The following ZNF705G variants were observed in gnomAD, a reference collection of about 807,000 sequenced individuals.
The protein encoded by ZNF705G is zinc finger protein 705G, also known as putative zinc finger protein 705G.
Under a neutral mutation model 19.6 loss-of-function variants are expected in ZNF705G, and 23 were observed. That is an observed-to-expected ratio of 1.17 (90% CI 0.84 to 1.66). The LOEUF is 1.66. ZNF705G is among the 40% of genes most tolerant of loss of function. The pLI, the probability that ZNF705G is intolerant of heterozygous loss-of-function variation, is 0.00. For missense variants in ZNF705G, 457 were observed against 354.4 expected (o/e 1.29, Z -2.32); for synonymous variants, 146 against 117.7 (o/e 1.24, Z -1.56).
Position 7,357,921 on chromosome 8 carries a change from C to A in ZNF705G, c.*55G>T, listed in dbSNP as rs1415511899. ...TTAAGATTAGTACATTGTCTGAAGG[C>A]TTTCCCACATAAATGGCATTCATAT... On this transcript the variant is annotated 3_prime_UTR_variant, in exon 7 of 7. Transcript: ENST00000400156. 16 of 1,603,446 alleles carry A rather than the reference C, an allele frequency of 1.0e-5. 3 individuals are homozygous for A. The African/African-American group carries it at 2.3e-4, about 23-fold the overall frequency.
rs1484483553 is a variant in ZNF705G at position 7,357,453 on chromosome 8, A to G, written c.*523T>C. 1.2e-5 allele frequency: 2 copies of G among 168,200 alleles called. No homozygotes were observed. Among genetic ancestry groups the G allele is most frequent in the African/African-American group, 5.1e-5 (2 of 39,340 alleles). 10.4% of individuals were successfully genotyped at this position (168,200 alleles called of 1,614,324 possible). ...GGGTTCATCCAAGTAAAGTTTTCTC[A>G]TGTTATTTGACAATAAATTGCAAAT... is the stretch of plus-strand genomic sequence containing the variant. On this transcript the variant is annotated 3_prime_UTR_variant, in exon 7 of 7. Transcript: ENST00000400156.
intron 2 of ZNF705G, among the ~76,000 whole-genome samples, chr8:7,379,157 C>A (rs1323997180): frequency 8.7e-5 from 13 of 149,142 alleles, no homozygotes; most frequent in South Asian, 4.2e-4. Context: ...TTTCACTATG[C>A]CTGATTTGGC....
chr8:7,380,533 C>A (rs73661357), intron 2 of ZNF705G, among the ~76,000 whole-genome samples: 3 of 147,132 alleles, frequency 2.0e-5, no homozygotes, highest in African/African-American at 2.7e-5. Context: ...ACAGCTGTCA[C>A]CAGTGCCCAC....
At position 7,360,677 on chromosome 8, in the gene ZNF705G, C is replaced by CA. The variant is rs1246662604; in HGVS notation, c.140-346dup. Reference sequence around the variant, plus strand: ...TGTTTACTATTATTCTCACGCACAACAAAAAAAAACATTCGATTTACAAAA... The same window carrying CA: ...TGTTTACTATTATTCTCACGCACAACAAAAAAAAAACATTCGATTTACAAAA... On this transcript the variant is annotated intron_variant, in intron 4 of 6. Transcript: ENST00000400156. Among the ~76,000 whole-genome samples, 360 of 147,978 alleles carry CA rather than the reference C, an allele frequency of 2.4e-3. 18 individuals are homozygous for CA. The highest frequency in any genetic ancestry group is 5.5e-3 in the African/African-American group (209 of 38,296).
rs1282511821 is a variant in ZNF705G, at chr8:7,355,763, G to C, written c.*2213C>G. The C allele has an allele frequency of 1.3e-5, 2 of 149,570 alleles. No individual in the cohort carries two copies. The highest frequency in any genetic ancestry group is 2.9e-5 in the Non-Finnish European group (2 of 68,012). 9.3% of individuals were successfully genotyped at this position (149,570 alleles called of 1,614,324 possible). A position where few individuals can be genotyped will look rare whatever the true frequency, so the allele number is the denominator to read the frequency against. On this transcript the variant is annotated 3_prime_UTR_variant, in exon 7 of 7. Transcript: ENST00000400156. ...GTACATATAATGTCAGTCACAGTTT[G>C]TGGGTAAATTACATATTTAATTAAA... is the stretch of plus-strand genomic sequence containing the variant.
intron 1 of ZNF705G, among the ~76,000 whole-genome samples, chr8:7,383,684 G>A (rs1259739567): frequency 1.3e-5 from 2 of 149,228 alleles, no homozygotes; most frequent in Non-Finnish European, 2.9e-5. Context: ...TCGTGGAGCT[G>A]AAGCCCTTGT....
intron 6 of ZNF705G, among the ~76,000 whole-genome samples, chr8:7,359,082 C>G (rs1314673932): frequency 6.7e-6 from 1 of 149,588 alleles, no homozygotes; most frequent in Non-Finnish European, 1.5e-5. Context: ...CAGAAAAATG[C>G]ATGAATGACT....
chr8:7,368,467 G>C (rs1460173781), intron 2 of ZNF705G, among the ~76,000 whole-genome samples: 1 of 149,340 alleles, frequency 6.7e-6, no homozygotes, highest in Admixed American at 6.6e-5. Context: ...AAGGCGAATA[G>C]ATATAAAAAG....
chr8:7,368,960 T>C (rs1401008481), intron 2 of ZNF705G, among the ~76,000 whole-genome samples: 1 of 149,388 alleles, frequency 6.7e-6, no homozygotes, highest in Non-Finnish European at 1.5e-5. Flanking sequence ...ACTGGGCAAT[T>C]TACAAAAGAA....
At chr8:7,380,310 G>T (rs1807431078) in intron 2 of ZNF705G, among the ~76,000 whole-genome samples, 1 of 146,976 alleles carries the variant, frequency 6.8e-6, no homozygotes, top group Admixed American at 6.6e-5. Context: ...CACTACCCAA[G>T]GTCGTTGTCC....
chr8:7,361,078 C>T, intron 4 of ZNF705G, 32 bp downstream of exon 4: 1 of 1,592,762 alleles, frequency 6.3e-7, no homozygotes, highest in South Asian at 1.1e-5. Context: ...GAATGTGTCT[C>T]TACATATGTA....
rs1176123506 is a variant in ZNF705G at position 7,383,466 on chromosome 8, C to T, written c.-221-1865G>A. ...GCCCCTGAGAAGTACCTAGCAGAGACGAGGTACTCACGTATTTGTTTAAAC... is the reference window on the plus strand; with the variant it reads ...GCCCCTGAGAAGTACCTAGCAGAGATGAGGTACTCACGTATTTGTTTAAAC... On this transcript the variant is annotated intron_variant, in intron 1 of 6. Coordinates refer to ENST00000400156, the MANE Select transcript of ZNF705G (RefSeq NM_001164457.3). Among the ~76,000 whole-genome samples the T allele has an allele frequency of 8.9e-5, 13 of 146,316 alleles. 4 individuals carry two copies. The highest frequency in any genetic ancestry group is 4.2e-4 in the South Asian group (2 of 4,758).
At chr8:7,370,101 G>GAA (rs770116854) in intron 2 of ZNF705G, among the ~76,000 whole-genome samples, 8 of 143,696 alleles carry the variant, frequency 5.6e-5, no homozygotes, top group Non-Finnish European at 6.0e-5. Flanking sequence ...GTCTCCACTG[G>GAA]AAAAAAAAAA....
intron 2 of ZNF705G, among the ~76,000 whole-genome samples, chr8:7,365,757 G>A (rs1253622000): frequency 6.7e-6 from 1 of 149,508 alleles, no homozygotes; most frequent in East Asian, 1.9e-4. Flanking sequence ...AAAATTAAGA[G>A]GCCGACTTGT....
intron 1 of ZNF705G, among the ~76,000 whole-genome samples, chr8:7,382,559 C>T (rs2128849078): frequency 6.8e-6 from 1 of 146,428 alleles, no homozygotes; most frequent in Admixed American, 6.6e-5. Flanking sequence ...TTTATTTCTT[C>T]CATTCTATAA....
intron 2 of ZNF705G, among the ~76,000 whole-genome samples, chr8:7,370,675 A>C (rs1206252300): frequency 7.2e-6 from 1 of 138,532 alleles, no homozygotes; most frequent in Non-Finnish European, 1.5e-5. Flanking sequence ...AAGACCTACA[A>C]CCAGAAATAC....
At chr8:7,358,699 A>C in intron 6 of ZNF705G, 139 bp from the exon 7 acceptor site, 2 of 1,438,828 alleles carry the variant, frequency 1.4e-6, no homozygotes, top group Non-Finnish European at 1.9e-6. Context: ...GTGTGAAAGG[A>C]AATTAAATTT....
At position 7,357,804 on chromosome 8, in the gene ZNF705G, C is replaced by A. The variant is rs1275330506; in HGVS notation, c.*172G>T. On this transcript the variant is annotated 3_prime_UTR_variant, in exon 7 of 7. Transcript: ENST00000400156. ...CTGAAGTCTCTTCCACATTCCTTAC[C>A]TTTGTCATTCCTAACACCGTGTCAT... 7 of 1,045,410 alleles carry A rather than the reference C, an allele frequency of 6.7e-6. No homozygotes were observed. The highest frequency in any genetic ancestry group is 9.3e-6 in the Non-Finnish European group (7 of 750,638). 64.8% of individuals were successfully genotyped at this position (1,045,410 alleles called of 1,614,324 possible).
chr8:7,376,880 AGTGT>A (rs71264895), intron 2 of ZNF705G, among the ~76,000 whole-genome samples: 19 of 145,154 alleles, frequency 1.3e-4, no homozygotes, highest in Non-Finnish European at 1.3e-4. Context: ...ATATAGAGAG[AGTGT>A]GTGTGTGTGT....
Sources: gnomAD v4.1 joint callset for allele counts (sites outside exome capture counted in the v4.1 genomes callset) on GRCh38, gnomAD v4.1.1 for gene constraint, MANE v1.5 for transcripts, NCBI Gene and HGNC (gene_info 2026-07-23, HGNC 2026-07-21) for gene names.